AUTS2: variants seen among roughly 807,000 people sequenced by gnomAD.
AUTS2 encodes the protein activator of transcription and developmental regulator AUTS2.
AUTS2 carries 17 observed loss-of-function variants against 112.4 expected under a neutral mutation model. That is an observed-to-expected ratio of 0.15 (90% CI 0.10 to 0.23). AUTS2 has a LOEUF of 0.23. Ranked by LOEUF, AUTS2 falls within the 10% of genes least tolerant of loss-of-function variation. The pLI, the probability that AUTS2 is intolerant of heterozygous loss-of-function variation, is 1.00. For synonymous variants in AUTS2, 751 were observed against 702.7 expected (o/e 1.07, Z -1.09); for missense variants, 1,510 against 1,701.6 (o/e 0.89, Z 1.98).
intron 2 of AUTS2, among the ~76,000 whole-genome samples, chr7:70,057,168 A>G (rs1362723794): frequency 6.6e-6 from 1 of 152,142 alleles, no homozygotes; most frequent in Non-Finnish European, 1.5e-5. Flanking sequence ...CTCATCTACC[A>G]TAGTTTACCA....
intron 5 of AUTS2, among the ~76,000 whole-genome samples, chr7:70,660,178 A>G (rs761202144): frequency 5.3e-5 from 8 of 150,178 alleles, no homozygotes; most frequent in Non-Finnish European, 1.2e-4. Context: ...CTCTGTCTCA[A>G]AAAAAAAAAG....
At chr7:70,251,936 C>T (rs949635530) in intron 4 of AUTS2, among the ~76,000 whole-genome samples, 17 of 151,934 alleles carry the variant, frequency 1.1e-4, no homozygotes, top group Non-Finnish European at 2.5e-4. Flanking sequence ...TTTGTTTTTT[C>T]TCTCTCGGAT....
chr7:70,218,717 C>T (rs1811305056), intron 4 of AUTS2, among the ~76,000 whole-genome samples: 2 of 152,202 alleles, frequency 1.3e-5, no homozygotes, highest in Admixed American at 6.5e-5. Context: ...GAAATTACAA[C>T]ATGGCACCTA....
chr7:70,297,159 A>T (rs1407019954), intron 4 of AUTS2, among the ~76,000 whole-genome samples: 1 of 151,934 alleles, frequency 6.6e-6, no homozygotes, highest in Non-Finnish European at 1.5e-5. Flanking sequence ...CTCCCAGGGT[A>T]TACTTTTAAC....
intron 1 of AUTS2, among the ~76,000 whole-genome samples, chr7:69,824,210 G>T (rs777556449): frequency 1.3e-4 from 20 of 151,934 alleles, no homozygotes; most frequent in Non-Finnish European, 2.8e-4. Flanking sequence ...TCAGGAGTTC[G>T]AGACCATCCT....
intron 18 of AUTS2, among the ~76,000 whole-genome samples, chr7:70,788,399 G>A (rs761670977): frequency 2.0e-5 from 3 of 152,148 alleles, no homozygotes; most frequent in Admixed American, 1.3e-4. Flanking sequence ...CCATCATGCT[G>A]ACTGATAAAA....
Position 69,809,826 on chromosome 7 carries a change from G to A in AUTS2, c.310-89460G>A, listed in dbSNP as rs554938072. On this transcript the variant is annotated intron_variant, in intron 1 of 18. Transcript: ENST00000342771. Reference sequence around the variant, plus strand: ...TTAACAAATATTTATTGAACACCCCGGAAGCACCCTGGTATATACTGTCCT... The same window carrying A: ...TTAACAAATATTTATTGAACACCCCAGAAGCACCCTGGTATATACTGTCCT... Among the ~76,000 whole-genome samples the A allele has an allele frequency of 4.6e-5, 7 of 152,160 alleles. 1 individual carries two copies. Among genetic ancestry groups the A allele is most frequent in the Non-Finnish European group, 7.4e-5 (5 of 67,996 alleles).
intron 1 of AUTS2, among the ~76,000 whole-genome samples, chr7:69,879,412 AGTG>A (rs1793945519): frequency 6.6e-6 from 1 of 151,820 alleles, no homozygotes; most frequent in African/African-American, 2.4e-5. Flanking sequence ...AGCCTCCCAA[AGTG>A]GTGGGATTGC....
intron 2 of AUTS2, among the ~76,000 whole-genome samples, chr7:70,033,620 G>A (rs1800875544): frequency 6.6e-6 from 1 of 152,122 alleles, no homozygotes; most frequent in Non-Finnish European, 1.5e-5. Context: ...GTTGAAACCT[G>A]TTATTTGTAG....
At chr7:70,610,595 C>A (rs563081425) in intron 5 of AUTS2, among the ~76,000 whole-genome samples, 1 of 151,962 alleles carries the variant, frequency 6.6e-6, no homozygotes, top group Non-Finnish European at 1.5e-5. Context: ...CACGCCACTA[C>A]ACCTGGCTAA....
At chr7:70,677,893 C>A (rs1808001041) in intron 5 of AUTS2, among the ~76,000 whole-genome samples, 1 of 152,062 alleles carries the variant, frequency 6.6e-6, no homozygotes, top group South Asian at 2.1e-4. Context: ...ACCGTCCTGG[C>A]TAACACCATG....
chr7:70,138,772 TG>T (rs1378509913), intron 4 of AUTS2, among the ~76,000 whole-genome samples: 2 of 152,186 alleles, frequency 1.3e-5, no homozygotes, highest in African/African-American at 2.4e-5. Context: ...GTATAATTAT[TG>T]TTTTCCTGTG....
intron 14 of AUTS2, among the ~76,000 whole-genome samples, chr7:70,780,294 A>G (rs778145881): frequency 3.3e-5 from 5 of 152,216 alleles, no homozygotes; most frequent in Non-Finnish European, 7.3e-5. Context: ...GAAAAGATTG[A>G]GAGGAAGATT....
In AUTS2 at chr7:69,598,806, GCTT is replaced by G. The variant is rs1268849964; in HGVS notation, c.-842_-840del. ...GGGGCGGGTGGCAGCGACAGGGTTT[GCTT>G]CTTCTCTTCTTTCATCTCCCTCTCC... is the stretch of plus-strand genomic sequence containing the variant. On this transcript the variant is annotated 5_prime_UTR_variant, in exon 1 of 19. Transcript: ENST00000342771. 6.6e-6 allele frequency: 1 copy of G among 151,386 alleles called. No homozygotes were observed. Among genetic ancestry groups the G allele is most frequent in the Non-Finnish European group, 1.5e-5 (1 of 68,164 alleles). 9.4% of individuals were successfully genotyped at this position (151,386 alleles called of 1,614,324 possible). A position where few individuals can be genotyped will look rare whatever the true frequency, so the allele number is the denominator to read the frequency against.
intron 5 of AUTS2, among the ~76,000 whole-genome samples, chr7:70,491,995 C>T (rs1430870154): frequency 6.6e-6 from 1 of 152,080 alleles, no homozygotes; most frequent in East Asian, 1.9e-4. Flanking sequence ...AAATCACAGG[C>T]CTAGGTGTGG....
chr7:69,980,440 T>C (rs1419975129), intron 2 of AUTS2, among the ~76,000 whole-genome samples: 1 of 152,194 alleles, frequency 6.6e-6, no homozygotes, highest in Non-Finnish European at 1.5e-5. Context: ...GATAGTTGTG[T>C]GGAGAAAGGC....
intron 5 of AUTS2, among the ~76,000 whole-genome samples, chr7:70,626,847 G>T (rs990854660): frequency 6.6e-6 from 1 of 152,154 alleles, no homozygotes; most frequent in Non-Finnish European, 1.5e-5. Context: ...ACGTGATTTT[G>T]TTGCTTTTTC....
chr7:69,898,609 C>G (rs1020739207), intron 1 of AUTS2, among the ~76,000 whole-genome samples: 1 of 152,108 alleles, frequency 6.6e-6, no homozygotes, highest in African/African-American at 2.4e-5. Context: ...ATGCAGTTCC[C>G]CATTCAAGGA....
chr7:70,764,162 T>C (rs1449813232), intron 7 of AUTS2, among the ~76,000 whole-genome samples: 1 of 152,124 alleles, frequency 6.6e-6, no homozygotes, highest in Admixed American at 6.5e-5. Context: ...TGCTTTTTCC[T>C]AAGAGGGGAA....
Sources: allele counts gnomAD v4.1 joint callset (sites outside exome capture counted in the v4.1 genomes callset), GRCh38; gene constraint gnomAD v4.1.1; transcripts MANE v1.5; gene names NCBI Gene and HGNC (gene_info 2026-07-23, HGNC 2026-07-21).